Variants in DHX40 observed in about 807,000 individuals in gnomAD.
DHX40 encodes DEAH-box helicase 40.
DHX40 carries 28 observed loss-of-function variants against 89.6 expected under a neutral mutation model. The ratio of observed to expected loss-of-function variants is 0.31; its 90% CI spans 0.23 to 0.43. DHX40 has a LOEUF of 0.43. Among genes scored for constraint, DHX40 ranks in the 20% least tolerant of loss-of-function variants. The pLI, the probability that DHX40 is intolerant of heterozygous loss-of-function variation, is 1.00. For missense variants in DHX40, 457 were observed against 844.0 expected (o/e 0.54, Z 5.68); for synonymous variants, 226 against 283.6 (o/e 0.80, Z 2.04).
intron 12 of DHX40, among the ~76,000 whole-genome samples, chr17:59,596,068 A>C (rs994207372): frequency 6.6e-6 from 1 of 152,050 alleles, no homozygotes; most frequent in East Asian, 1.9e-4. Flanking sequence ...AAAAGTTAAA[A>C]TTTATCAAAA....
Position 59,577,342 on chromosome 17 carries a change from G to A in DHX40, c.1050G>A (p.Thr350=), listed in dbSNP as rs143824962. 46 of 1,613,660 alleles carry A rather than the reference G, an allele frequency of 2.9e-5. No individual in the cohort carries two copies. The highest frequency in any genetic ancestry group is 3.3e-5 in the Non-Finnish European group (39 of 1,179,810). Residue 350 remains threonine (T), a synonymous_variant, in exon 8 of 18, where the codon ACG becomes ACA. Coordinates refer to ENST00000251241, the MANE Select transcript of DHX40 (RefSeq NM_024612.5). ...KCVISTNISA[T]SLTIDGIRYV... ...TCATATCCACCAATATTTCTGCAAC[G>A]TCTTTGACAATAGATGGAATCAGGT...
intron 12 of DHX40, among the ~76,000 whole-genome samples, 189 bp downstream of exon 12, chr17:59,588,242 C>CAAAAAA (rs1198855530): frequency 0.019 from 2,572 of 135,232 alleles, 106 homozygotes; most frequent in African/African-American, 0.074. Flanking sequence ...AAAAAAAAAA[C>CAAAAAA]CAAAAACAAA....
chr17:59,577,991 A>G (rs1451115817), intron 8 of DHX40, among the ~76,000 whole-genome samples: 1 of 152,102 alleles, frequency 6.6e-6, no homozygotes, highest in Non-Finnish European at 1.5e-5. Context: ...CCTTTTTGTG[A>G]AAATTAACTA....
At chr17:59,601,086 T>C (rs1250139622) in intron 14 of DHX40, among the ~76,000 whole-genome samples, 2 of 150,762 alleles carry the variant, frequency 1.3e-5, no homozygotes, top group African/African-American at 2.4e-5. Context: ...TGGGGATCAC[T>C]TGAGCCCAGC....
intron 15 of DHX40, 131 bp downstream of exon 15, chr17:59,602,747 C>G: frequency 1.3e-6 from 1 of 788,998 alleles, no homozygotes; most frequent in Non-Finnish European, 1.9e-6. Flanking sequence ...ATTACAGTGA[C>G]GAGGGAGAGC....
intron 12 of DHX40, among the ~76,000 whole-genome samples, chr17:59,598,254 C>A (rs1248259434): frequency 1.3e-5 from 2 of 151,960 alleles, no homozygotes; most frequent in Non-Finnish European, 2.9e-5. Context: ...TTATATATTC[C>A]ATTTATAGAA....
At chr17:59,599,973 G>A (rs1279654771) in intron 14 of DHX40, among the ~76,000 whole-genome samples, 3 of 151,236 alleles carry the variant, frequency 2.0e-5, no homozygotes, top group Non-Finnish European at 4.4e-5. Flanking sequence ...ACAGGCTTGC[G>A]TCACCACACC....
chr17:59,585,693 A>T (rs2048984307), intron 10 of DHX40, among the ~76,000 whole-genome samples: 1 of 150,966 alleles, frequency 6.6e-6, no homozygotes. Flanking sequence ...ATTGCACTCC[A>T]GCCTGGGCAA....
chr17:59,606,295 CAG>C (rs1311670993), intron 17 of DHX40, among the ~76,000 whole-genome samples: 4 of 152,160 alleles, frequency 2.6e-5, no homozygotes, highest in Non-Finnish European at 5.9e-5. Flanking sequence ...TGAAATAGGA[CAG>C]AAAGTTTTTC....
At chr17:59,570,360 A>T (rs2048789035) in intron 2 of DHX40, among the ~76,000 whole-genome samples, 158 bp from the exon 3 acceptor site, 1 of 146,234 alleles carries the variant, frequency 6.8e-6, no homozygotes, top group African/African-American at 2.5e-5. Flanking sequence ...TTAATATTTA[A>T]ATTTCCATGA....
chr17:59,596,108 A>T (rs1462960365), intron 12 of DHX40, among the ~76,000 whole-genome samples: 1 of 152,094 alleles, frequency 6.6e-6, no homozygotes, highest in African/African-American at 2.4e-5. Context: ...GCATGGTGCC[A>T]TGATTCTAGG....
chr17:59,605,613 T>C lies in DHX40; in HGVS notation c.2139T>C (p.Arg713=), dbSNP rs2030797340. The change falls in exon 17 of 18, where the codon CGT becomes CGC. Residue 713 remains arginine (R), a synonymous_variant. Coordinates refer to ENST00000251241, the MANE Select transcript of DHX40 (RefSeq NM_024612.5). ...NAHDLSSVAR[R]EVREDARRRW... ...ATGATTTGAGCAGTGTGGCCCGACG[T>C]GAAGTGAGAGAAGATGCAAGAAGGA... 1.2e-6 allele frequency: 2 copies of C among 1,613,814 alleles called. No homozygotes were observed. Among genetic ancestry groups the C allele is most frequent in the Non-Finnish European group, 1.7e-6 (2 of 1,180,010 alleles).
At chr17:59,578,183 C>G (rs2048911486) in intron 8 of DHX40, among the ~76,000 whole-genome samples, 1 of 145,026 alleles carries the variant, frequency 6.9e-6, no homozygotes, top group Admixed American at 7.0e-5. Flanking sequence ...GTCTGATTGT[C>G]TGTCTCCGGA....
chr17:59,574,931 C>G (rs2048860051), intron 6 of DHX40, among the ~76,000 whole-genome samples: 1 of 152,184 alleles, frequency 6.6e-6, no homozygotes, highest in Non-Finnish European at 1.5e-5. Flanking sequence ...TCCTTGTTTA[C>G]CTTTTTCCTC....
chr17:59,589,223 T>TG (rs1393730175), intron 12 of DHX40, among the ~76,000 whole-genome samples: 3 of 142,420 alleles, frequency 2.1e-5, no homozygotes, highest in Non-Finnish European at 4.6e-5. Flanking sequence ...GGATTTTTTT[T>TG]TTTTTTTTTT....
chr17:59,602,800 T>C (rs1365859126), intron 15 of DHX40, among the ~76,000 whole-genome samples, 184 bp downstream of exon 15: 1 of 152,082 alleles, frequency 6.6e-6, no homozygotes, highest in Admixed American at 6.5e-5. Context: ...AATGTGGTAT[T>C]AGAGCTCAAG....
chr17:59,566,561 C>T, intron 1 of DHX40, 66 bp from the exon 2 acceptor site: 2 of 1,442,054 alleles, frequency 1.4e-6, no homozygotes, highest in South Asian at 1.4e-5. Context: ...TGGTTTTAGT[C>T]ATGAGAAATT....
chr17:59,576,960 C>G (rs2048891853), intron 7 of DHX40: 1 of 342,858 alleles, frequency 2.9e-6, no homozygotes, highest in South Asian at 2.4e-5. Context: ...ACCTCTGCCT[C>G]CCAGATTCAA....
At chr17:59,565,880 A>G (rs2048697556) in intron 1 of DHX40, 97 bp downstream of exon 1, 11 of 1,050,566 alleles carry the variant, frequency 1.0e-5, no homozygotes, top group East Asian at 3.0e-5. Context: ...TGAGAAGAGT[A>G]GTGAGGAAGC....
Sources: gnomAD v4.1 joint callset for allele counts (sites outside exome capture counted in the v4.1 genomes callset) on GRCh38, gnomAD v4.1.1 for gene constraint, MANE v1.5 for transcripts, NCBI Gene and HGNC (gene_info 2026-07-23, HGNC 2026-07-21) for gene names.